Variants in DEUP1 observed in about 807,000 individuals in gnomAD.
DEUP1 encodes the protein deuterosome assembly protein 1, also known as coiled-coil domain containing 67.
DEUP1 carries 82 observed loss-of-function variants against 87.4 expected under a neutral mutation model. The observed-to-expected ratio is 0.94, with a 90% confidence interval of 0.78 to 1.13. The LOEUF (loss-of-function observed/expected upper bound fraction) is 1.13, where lower values mean the gene tolerates loss of function less well. Among genes scored for constraint, DEUP1 ranks in the 50% most tolerant of loss-of-function variants. DEUP1 has a pLI of 0.00. For synonymous variants in DEUP1, 214 were observed against 222.7 expected (o/e 0.96, Z 0.35); for missense variants, 663 against 681.5 (o/e 0.97, Z 0.30).
At chr11:93,382,854 A>G (rs1049467640) in intron 7 of DEUP1, among the ~76,000 whole-genome samples, 1 of 152,162 alleles carries the variant, frequency 6.6e-6, no homozygotes, top group Non-Finnish European at 1.5e-5. Flanking sequence ...AAAAATCTCC[A>G]CTGTTCAAAA....
At chr11:93,407,784 C>A (rs1947321303) in intron 11 of DEUP1, among the ~76,000 whole-genome samples, 2 of 151,684 alleles carry the variant, frequency 1.3e-5, no homozygotes, top group Admixed American at 1.3e-4. Context: ...GAAGGTATAT[C>A]CTATGAACAC....
chr11:93,337,331 G>T (rs1400300321), intron 2 of DEUP1, among the ~76,000 whole-genome samples: 1 of 152,108 alleles, frequency 6.6e-6, no homozygotes, highest in African/African-American at 2.4e-5. Context: ...GGTTCTTGAT[G>T]AGTTAAACAC....
chr11:93,352,360 C>T (rs144313864), intron 2 of DEUP1: 360 of 702,524 alleles, frequency 5.1e-4, no homozygotes, highest in Non-Finnish European at 8.0e-4. Context: ...ACTGGACTTA[C>T]ACCAGCTCCC....
At position 93,418,061 on chromosome 11, in the gene DEUP1, C is replaced by T. The variant is rs1336810752; in HGVS notation, c.1638+2947C>T. On this transcript the variant is annotated intron_variant, in intron 13 of 13. Transcript: ENST00000298050. ...TGGATTAAAGACTTAAACGGTAGAC[C>T]TAAAACCATAAAAACTGTAGAAGAA... Among the ~76,000 whole-genome samples the T allele has an allele frequency of 2.0e-5, 3 of 152,182 alleles. No homozygotes were observed. In the East Asian group the frequency reaches 5.8e-4, roughly 29 times the overall value.
intron 13 of DEUP1, among the ~76,000 whole-genome samples, chr11:93,419,771 T>G (rs1268423305): frequency 6.6e-6 from 1 of 151,948 alleles, no homozygotes; most frequent in African/African-American, 2.4e-5. Flanking sequence ...CTTTACTCTT[T>G]ATGTTGGCAT....
intron 11 of DEUP1, among the ~76,000 whole-genome samples, chr11:93,396,721 C>T (rs1216015222): frequency 6.6e-6 from 1 of 152,196 alleles, no homozygotes; most frequent in Admixed American, 6.5e-5. Flanking sequence ...TTTGTTCTGA[C>T]TTGTTTTGTT....
intron 13 of DEUP1, among the ~76,000 whole-genome samples, chr11:93,428,087 C>G (rs1318589470): frequency 3.3e-5 from 5 of 151,992 alleles, no homozygotes; most frequent in Admixed American, 6.6e-5. Context: ...GGATCTAGAA[C>G]TAGATCCCTA....
At chr11:93,377,952 G>C (rs577384915) in intron 7 of DEUP1, among the ~76,000 whole-genome samples, 1 of 152,004 alleles carries the variant, frequency 6.6e-6, no homozygotes, top group South Asian at 2.1e-4. Context: ...TCAGCTTGTA[G>C]GATTTCTGCT....
At chr11:93,339,516 TA>T (rs1357244691) in intron 2 of DEUP1, among the ~76,000 whole-genome samples, 3 of 152,230 alleles carry the variant, frequency 2.0e-5, no homozygotes, top group Non-Finnish European at 2.9e-5. Context: ...AGCTGGCTTA[TA>T]AAGGACAGCT....
intron 9 of DEUP1, among the ~76,000 whole-genome samples, chr11:93,391,158 A>T (rs1289983315): frequency 6.6e-6 from 1 of 151,360 alleles, no homozygotes; most frequent in Non-Finnish European, 1.5e-5. Flanking sequence ...AACAAGAGCT[A>T]TGTATTATGA....
chr11:93,358,335 G>C (rs1312531088), intron 4 of DEUP1, among the ~76,000 whole-genome samples: 1 of 152,130 alleles, frequency 6.6e-6, no homozygotes, highest in East Asian at 1.9e-4. Context: ...CTGATGGCTG[G>C]TTTTCAGTGC....
rs527572638 is a variant in DEUP1 at position 93,350,298 on chromosome 11, G to A, written c.30-5073G>A. On this transcript the variant is annotated intron_variant, in intron 2 of 13. Transcript: ENST00000298050. ...CACTCAAAACTGTATTTGACACACT[G>A]ATGACTGTATTCAGTACTTTAAAGT... Among the ~76,000 whole-genome samples, 197 of 152,274 alleles carry A rather than the reference G, an allele frequency of 1.3e-3. 1 individual carries two copies. Among genetic ancestry groups the A allele is most frequent in the African/African-American group, 4.5e-3 (189 of 41,560 alleles).
At chr11:93,368,935 CA>C (rs1293117114) in intron 5 of DEUP1, among the ~76,000 whole-genome samples, 3 of 150,572 alleles carry the variant, frequency 2.0e-5, no homozygotes, top group East Asian at 2.0e-4. Context: ...GACTCCATCT[CA>C]AAAAAAAGAA....
At chr11:93,332,189 G>T in intron 1 of DEUP1, 27 bp from the exon 2 acceptor site, 2 of 1,408,910 alleles carry the variant, frequency 1.4e-6, no homozygotes, top group South Asian at 2.5e-5. Context: ...AACATTTTAG[G>T]AACTTGTATC....
At chr11:93,390,805 C>T (rs1029302022) in intron 9 of DEUP1, among the ~76,000 whole-genome samples, 12 of 152,102 alleles carry the variant, frequency 7.9e-5, no homozygotes, top group East Asian at 5.8e-4. Context: ...TCCAAGTGGC[C>T]GGGCATGGTG....
intron 5 of DEUP1, among the ~76,000 whole-genome samples, chr11:93,369,443 G>C (rs1003109433): frequency 6.3e-5 from 9 of 142,182 alleles, no homozygotes; most frequent in Non-Finnish European, 1.2e-4. Flanking sequence ...AGAAAGTAGT[G>C]GCAAATGCAA....
chr11:93,408,501 T>C, intron 12 of DEUP1, 74 bp downstream of exon 12: 1 of 946,090 alleles, frequency 1.1e-6, no homozygotes, highest in Non-Finnish European at 1.5e-6. Flanking sequence ...AGAATTCAAA[T>C]TATAACTTTA....
intron 2 of DEUP1, among the ~76,000 whole-genome samples, chr11:93,351,519 C>A (rs1026233405): frequency 1.3e-5 from 2 of 152,006 alleles, no homozygotes; most frequent in Non-Finnish European, 2.9e-5. Flanking sequence ...TAGACAAAAT[C>A]TATTTACAGT....
intron 2 of DEUP1, among the ~76,000 whole-genome samples, chr11:93,346,486 C>G (rs1944355278): frequency 6.6e-6 from 1 of 152,178 alleles, no homozygotes; most frequent in Non-Finnish European, 1.5e-5. Flanking sequence ...CTTGGCCTCT[C>G]AAAGTATTGG....
Sources: gnomAD v4.1 joint callset for allele counts (sites outside exome capture counted in the v4.1 genomes callset) on GRCh38, gnomAD v4.1.1 for gene constraint, MANE v1.5 for transcripts, NCBI Gene and HGNC (gene_info 2026-07-23, HGNC 2026-07-21) for gene names.